Variants in MDGA2 observed in about 807,000 individuals in gnomAD.
The protein encoded by MDGA2 is MAM domain containing glycosylphosphatidylinositol anchor 2.
In MDGA2, 40 loss-of-function variants were observed where a neutral mutation model predicts 117.8. The ratio of observed to expected loss-of-function variants is 0.34; its 90% CI spans 0.26 to 0.44. MDGA2 has a LOEUF of 0.44. Ranked by LOEUF, MDGA2 falls within the 20% of genes least tolerant of loss-of-function variation. The pLI, the probability that MDGA2 is intolerant of heterozygous loss-of-function variation, is 1.00. For missense variants in MDGA2, 1,123 were observed against 1,250.6 expected, an observed-to-expected ratio of 0.90 and a Z score of 1.54; for synonymous variants, 452 against 439.0, an observed-to-expected ratio of 1.03 and a Z score of -0.37.
intron 5 of MDGA2, among the ~76,000 whole-genome samples, chr14:47,121,109 A>G (rs1476449951): frequency 6.6e-6 from 1 of 152,170 alleles, no homozygotes; most frequent in Non-Finnish European, 1.5e-5. Context: ...TAACTGAGCC[A>G]AAGGAGAGCT....
In MDGA2 at chr14:46,840,379, A is replaced by C. The variant is rs1392256364; in HGVS notation, c.*1552T>G. On this transcript the variant is annotated 3_prime_UTR_variant, in exon 17 of 17. Transcript: ENST00000399232. ...TCTTTTTAAATGAAGTTAAAAGCTG[A>C]GATAATTTAAGGAAAATGATCTTCA... 1 of 152,486 alleles carries C rather than the reference A, an allele frequency of 6.6e-6. No homozygotes were observed. Among genetic ancestry groups the C allele is most frequent in the Non-Finnish European group, 1.5e-5 (1 of 67,984 alleles). The allele number at this position is 152,486 out of a possible 1,614,324, so 9.4% of individuals were successfully genotyped here.
intron 2 of MDGA2, among the ~76,000 whole-genome samples, chr14:47,256,807 GAGAAGGAAGGAAGAAAGGAAAGAA>G (rs1324714102): frequency 1.3e-5 from 2 of 151,052 alleles, no homozygotes; most frequent in Admixed American, 6.6e-5. Context: ...GAGAGAAAGA[GAGAAGGAAGGAAGAAAGGAAAGAA>G]GGAAGGAAGG....
chr14:47,213,037 C>T (rs1352058090), intron 3 of MDGA2, among the ~76,000 whole-genome samples: 2 of 152,040 alleles, frequency 1.3e-5, no homozygotes, highest in African/African-American at 4.8e-5. Context: ...TACATAGCCT[C>T]TTATTTTGGG....
intron 2 of MDGA2, among the ~76,000 whole-genome samples, chr14:47,292,555 CT>C (rs1470590116): frequency 6.6e-6 from 1 of 152,132 alleles, no homozygotes; most frequent in Non-Finnish European, 1.5e-5. Context: ...CCTCAAAAGG[CT>C]TTGCTAGTTC....
chr14:47,378,950 A>T (rs377109772), intron 1 of MDGA2, among the ~76,000 whole-genome samples: 6 of 152,242 alleles, frequency 3.9e-5, no homozygotes, highest in Non-Finnish European at 8.8e-5. Flanking sequence ...GGAAAAAATG[A>T]TAAGGGCAGC....
intron 5 of MDGA2, among the ~76,000 whole-genome samples, chr14:47,107,557 A>T (rs540572614): frequency 0.017 from 2,539 of 151,800 alleles, 49 homozygotes; most frequent in African/African-American, 0.059. Context: ...GCAAAGCTTC[A>T]CAGACAGCCC....
chr14:47,336,830 T>G (rs2139932109), intron 1 of MDGA2, among the ~76,000 whole-genome samples: 1 of 152,078 alleles, frequency 6.6e-6, no homozygotes, highest in South Asian at 2.1e-4. Context: ...GTTTCCTGAG[T>G]GTAAAAGAGT....
Position 46,865,610 on chromosome 14 carries a change from T to C in MDGA2, c.2752+7823A>G, listed in dbSNP as rs373700481. Among the ~76,000 whole-genome samples the C allele has an allele frequency of 2.6e-4, 39 of 152,172 alleles. No individual in the cohort carries two copies. The East Asian group carries it at 7.6e-3, about 30-fold the overall frequency. ...AAGAGGAAGTCAAATTGTCCCTGTT[T>C]GCAGACGACATGATTGTATATCTAG... On this transcript the variant is annotated intron_variant, in intron 14 of 16. Transcript: ENST00000399232.
At chr14:47,400,996 A>G (rs1594838487) in intron 1 of MDGA2, among the ~76,000 whole-genome samples, 1 of 151,328 alleles carries the variant, frequency 6.6e-6, no homozygotes, top group Middle Eastern at 3.4e-3. Context: ...TGACCTCATG[A>G]TCCGCTCACC....
chr14:47,347,008 G>T (rs1890776486), intron 1 of MDGA2, among the ~76,000 whole-genome samples: 1 of 152,164 alleles, frequency 6.6e-6, no homozygotes, highest in South Asian at 2.1e-4. Context: ...ACTGGGACGG[G>T]GGAGTGCACC....
chr14:47,384,724 G>T (rs913663212), intron 1 of MDGA2, among the ~76,000 whole-genome samples: 1 of 152,082 alleles, frequency 6.6e-6, no homozygotes, highest in East Asian at 1.9e-4. Context: ...CATCCCACCT[G>T]ATATACCCAC....
intron 10 of MDGA2, among the ~76,000 whole-genome samples, chr14:46,886,993 T>TA (rs1403364215): frequency 6.6e-6 from 1 of 152,034 alleles, no homozygotes; most frequent in Non-Finnish European, 1.5e-5. Flanking sequence ...GATCTAAAAA[T>TA]ACGATCTTTA....
At chr14:47,072,205 G>T (rs1250361658) in intron 6 of MDGA2, among the ~76,000 whole-genome samples, 4 of 150,872 alleles carry the variant, frequency 2.7e-5, no homozygotes, top group African/African-American at 9.7e-5. Context: ...TAAGAAAGGA[G>T]AAAAGCCAAA....
At chr14:47,120,117 T>C (rs915288653) in intron 5 of MDGA2, among the ~76,000 whole-genome samples, 2 of 152,164 alleles carry the variant, frequency 1.3e-5, no homozygotes, top group African/African-American at 2.4e-5. Context: ...TTTCCTTGGT[T>C]GAGTACAATG....
intron 1 of MDGA2, among the ~76,000 whole-genome samples, chr14:47,483,267 A>G (rs1312777041): frequency 6.6e-6 from 1 of 152,038 alleles, no homozygotes; most frequent in Non-Finnish European, 1.5e-5. Flanking sequence ...AAGTGATCAT[A>G]TATTTCAGAT....
intron 10 of MDGA2, among the ~76,000 whole-genome samples, chr14:46,889,275 C>CTGAGTAGGCACT (rs1223516015): frequency 2.0e-5 from 3 of 152,032 alleles, no homozygotes; most frequent in African/African-American, 7.2e-5. Context: ...AAGAATTCTT[C>CTGAGTAGGCACT]TGAGTAGGCA....
At chr14:47,338,424 C>CAT (rs71448195) in intron 1 of MDGA2, among the ~76,000 whole-genome samples, 16,668 of 150,162 alleles carry the variant, frequency 0.11, 959 homozygotes, top group Non-Finnish European at 0.14. Context: ...ATAATGTCCT[C>CAT]ATATATATAT....
intron 1 of MDGA2, among the ~76,000 whole-genome samples, chr14:47,413,155 T>C (rs1892407270): frequency 1.3e-5 from 2 of 152,160 alleles, no homozygotes; most frequent in African/African-American, 4.8e-5. Flanking sequence ...CCTATCATTA[T>C]TAAATATCTA....
At chr14:47,410,556 C>G (rs1892351332) in intron 1 of MDGA2, among the ~76,000 whole-genome samples, 1 of 152,026 alleles carries the variant, frequency 6.6e-6, no homozygotes, top group Admixed American at 6.6e-5. Context: ...ACTATAATCA[C>G]TTACATAAAA....
Sources: gnomAD v4.1 joint callset for allele counts (sites outside exome capture counted in the v4.1 genomes callset) on GRCh38, gnomAD v4.1.1 for gene constraint, MANE v1.5 for transcripts, NCBI Gene and HGNC (gene_info 2026-07-23, HGNC 2026-07-21) for gene names.